ITCH: variants seen among roughly 807,000 people sequenced by gnomAD.
The protein encoded by ITCH is E3 ubiquitin-protein ligase Itchy homolog.
ITCH carries 28 observed loss-of-function variants against 126.8 expected under a neutral mutation model. The observed-to-expected ratio is 0.22, with a 90% CI of 0.16 to 0.30. The LOEUF (loss-of-function observed/expected upper bound fraction) is 0.30, where lower values mean the gene tolerates loss of function less well. ITCH is among the 10% of genes least tolerant of loss of function. The pLI is 1.00. For synonymous variants in ITCH, 342 were observed against 340.0 expected, an observed-to-expected ratio of 1.01 and a Z score of -0.06; for missense variants, 631 against 1,032.4, an observed-to-expected ratio of 0.61 and a Z score of 5.33.
rs556542080 is a variant in ITCH at position 34,474,652 on chromosome 20, A to G, written c.1570-3120A>G. Among the ~76,000 whole-genome samples, 5 of 152,208 alleles carry G rather than the reference A, an allele frequency of 3.3e-5. No homozygotes were observed. The South Asian group carries it at 1.0e-3, about 32-fold the overall frequency. On this transcript the variant is annotated intron_variant, in intron 16 of 24. Coordinates refer to ENST00000374864, the MANE Select transcript of ITCH (RefSeq NM_031483.7). Reference sequence around the variant, plus strand: ...ATTCCACAAAACCGCCATTGTCATCATGGCCCGTTCTCAATGAGCTGTTGG... The same window carrying G: ...ATTCCACAAAACCGCCATTGTCATCGTGGCCCGTTCTCAATGAGCTGTTGG...
At chr20:34,460,353 T>C (rs974125148) in intron 13 of ITCH, among the ~76,000 whole-genome samples, 2 of 127,032 alleles carry the variant, frequency 1.6e-5, no homozygotes, top group African/African-American at 3.0e-5. Context: ...CACACCCAGC[T>C]TTTTTTTTTT....
intron 1 of ITCH, among the ~76,000 whole-genome samples, chr20:34,368,450 C>T (rs1302781826): frequency 3.3e-5 from 5 of 150,910 alleles, no homozygotes; most frequent in African/African-American, 9.8e-5. Flanking sequence ...TAGTACTTAG[C>T]CAAATTCTGG....
At chr20:34,482,799 A>G (rs1451477597) in intron 20 of ITCH, among the ~76,000 whole-genome samples, 2 of 152,084 alleles carry the variant, frequency 1.3e-5, no homozygotes, top group Admixed American at 1.3e-4. Context: ...TGGGCCTCCA[A>G]CTTCACATTT....
At position 34,507,722 on chromosome 20, in the gene ITCH, C is replaced by T. The variant is rs1258210834; in HGVS notation, c.2517C>T (p.Tyr839=). 5.0e-6 allele frequency: 8 copies of T among 1,613,734 alleles called. No individual in the cohort carries two copies. The highest frequency in any genetic ancestry group is 6.8e-6 in the Non-Finnish European group (8 of 1,179,832). ...TCFNRLDLPP[Y]KSYEQLKEKL... The stretch of plus-strand genomic sequence containing the variant: ...TTAATCGCCTGGACCTGCCACCATA[C>T]AAGAGCTATGAGCAACTGAAGGAAA... Residue 839 remains tyrosine (Y), a synonymous_variant, in exon 25 of 25, where the codon TAC becomes TAT. Coordinates refer to ENST00000374864, the MANE Select transcript of ITCH (RefSeq NM_031483.7).
At chr20:34,483,266 C>T (rs1988884533) in intron 20 of ITCH, among the ~76,000 whole-genome samples, 1 of 152,190 alleles carries the variant, frequency 6.6e-6, no homozygotes, top group Non-Finnish European at 1.5e-5. Flanking sequence ...TTTCTGTAGC[C>T]AGCTTGAATT....
At chr20:34,375,140 C>T (rs2037787646) in intron 2 of ITCH, among the ~76,000 whole-genome samples, 1 of 150,980 alleles carries the variant, frequency 6.6e-6, no homozygotes. Context: ...TTTCCGGGTT[C>T]AAGCAATTCT....
intron 3 of ITCH, among the ~76,000 whole-genome samples, chr20:34,403,500 T>C (rs989999541): frequency 1.3e-5 from 2 of 152,164 alleles, no homozygotes; most frequent in Non-Finnish European, 2.9e-5. Context: ...AAACTTTTGT[T>C]TTCTACCATG....
At chr20:34,441,918 G>C in intron 9 of ITCH, 1 of 396,800 alleles carries the variant, frequency 2.5e-6, no homozygotes, top group Admixed American at 3.6e-5. Context: ...ATTATACCCT[G>C]ATTGAGAGTG....
At chr20:34,432,350 G>A (rs916407525) in intron 7 of ITCH, among the ~76,000 whole-genome samples, 3 of 152,026 alleles carry the variant, frequency 2.0e-5, no homozygotes, top group South Asian at 2.1e-4. Context: ...CAAAAGCAAA[G>A]GAAATATTTA....
At chr20:34,397,818 G>T (rs1339876861) in intron 3 of ITCH, among the ~76,000 whole-genome samples, 1 of 151,594 alleles carries the variant, frequency 6.6e-6, no homozygotes. Context: ...GCAGCTTAAA[G>T]TTGAAAGCTT....
At chr20:34,384,117 A>G (rs1568870579) in intron 2 of ITCH, 4 of 141,024 alleles carry the variant, frequency 2.8e-5, no homozygotes, top group Non-Finnish European at 4.6e-5. Flanking sequence ...GTGTTTTTGG[A>G]TTACAGGCAT....
intron 22 of ITCH, among the ~76,000 whole-genome samples, chr20:34,492,003 T>G (rs1989550314): frequency 2.0e-5 from 3 of 149,510 alleles, no homozygotes; most frequent in African/African-American, 7.4e-5. Context: ...GGCTGGGGGG[T>G]GGTGGTGGGA....
rs1175499173 is a variant in ITCH at position 34,509,880 on chromosome 20, GAAATT to G, written c.*2094_*2098del. On this transcript the variant is annotated 3_prime_UTR_variant, in exon 25 of 25. Transcript: ENST00000374864. ...CCTACAATATTTACTAGAGATTTAT[GAAATT>G]AAATTAAGAGATAATGTAAGAAAAT... The G allele has an allele frequency of 4.6e-5, 7 of 151,778 alleles. No individual in the cohort carries two copies. Among genetic ancestry groups the G allele is most frequent in the African/African-American group, 1.2e-4 (5 of 41,196 alleles). The allele number at this position is 151,778 out of a possible 1,614,324, so 9.4% of individuals were successfully genotyped here.
chr20:34,504,602 C>G (rs1990505244), intron 24 of ITCH, among the ~76,000 whole-genome samples, 199 bp downstream of exon 24: 1 of 120,358 alleles, frequency 8.3e-6, no homozygotes, highest in Non-Finnish European at 1.9e-5. Flanking sequence ...TTTTTCACAT[C>G]TGAATTTTTT....
At chr20:34,375,444 CAT>C (rs2037800791) in intron 2 of ITCH, among the ~76,000 whole-genome samples, 2 of 144,886 alleles carry the variant, frequency 1.4e-5, no homozygotes, top group South Asian at 4.6e-4. Context: ...TATTTTAAAA[CAT>C]GTTATGGGCT....
At chr20:34,477,743 A>G (rs1347267388) in intron 16 of ITCH, 29 bp from the exon 17 acceptor site, 3 of 1,607,758 alleles carry the variant, frequency 1.9e-6, no homozygotes, top group Non-Finnish European at 2.6e-6. Context: ...AGCTTTTTTC[A>G]CCAATTATTT....
At chr20:34,447,679 A>G (rs928757066) in intron 11 of ITCH, among the ~76,000 whole-genome samples, 3 of 152,172 alleles carry the variant, frequency 2.0e-5, no homozygotes, top group Non-Finnish European at 4.4e-5. Context: ...TTCAGACCTC[A>G]TCTGTAACTT....
chr20:34,459,879 T>C (rs760241862), intron 13 of ITCH, among the ~76,000 whole-genome samples: 2 of 152,244 alleles, frequency 1.3e-5, no homozygotes, highest in African/African-American at 4.8e-5. Flanking sequence ...AAAGGAAGAA[T>C]GAAGAATTTC....
intron 23 of ITCH, among the ~76,000 whole-genome samples, chr20:34,498,623 T>C (rs1007329925): frequency 2.0e-5 from 3 of 152,232 alleles, no homozygotes; most frequent in Admixed American, 6.5e-5. Context: ...TGATATACTT[T>C]GTTATGTTCA....
Sources: allele counts gnomAD v4.1 joint callset (sites outside exome capture counted in the v4.1 genomes callset), GRCh38; gene constraint gnomAD v4.1.1; transcripts MANE v1.5; gene names NCBI Gene and HGNC (gene_info 2026-07-23, HGNC 2026-07-21).